Variants in GPC5 observed in about 807,000 individuals in gnomAD.
GPC5 encodes the protein glypican-5.
GPC5 carries 47 observed loss-of-function variants against 53.9 expected under a neutral mutation model. The observed-to-expected ratio is 0.87, with a 90% CI of 0.69 to 1.11. The LOEUF (loss-of-function observed/expected upper bound fraction) is 1.11, where lower values mean the gene tolerates loss of function less well. GPC5 is among the 50% of genes most tolerant of loss of function. GPC5 has a pLI of 0.00. For synonymous variants in GPC5, 286 were observed against 263.3 expected, an observed-to-expected ratio of 1.09 and a Z score of -0.84; for missense variants, 748 against 713.1, an observed-to-expected ratio of 1.05 and a Z score of -0.56.
chr13:92,115,430 C>T (rs370909391), intron 6 of GPC5, among the ~76,000 whole-genome samples: 10 of 152,084 alleles, frequency 6.6e-5, no homozygotes, highest in Non-Finnish European at 1.0e-4. Context: ...TGCTTGAACA[C>T]GGGAGGCGGA....
At chr13:91,455,427 A>G (rs1032618131) in intron 2 of GPC5, among the ~76,000 whole-genome samples, 5 of 152,114 alleles carry the variant, frequency 3.3e-5, no homozygotes, top group Non-Finnish European at 7.4e-5. Flanking sequence ...CTTGTTTTCT[A>G]AATGTGTGGT....
chr13:92,759,245 C>G lies in GPC5; in HGVS notation c.1562-107037C>G, dbSNP rs560891014. Among the ~76,000 whole-genome samples, 353 of 151,258 alleles carry G rather than the reference C, an allele frequency of 2.3e-3. 4 individuals are homozygous for G. The highest frequency in any genetic ancestry group is 1.4e-3 in the East Asian group (7 of 5,144). ...TATTCAGGGTCTTTATGGTTTCATA[C>G]AAATTATTGGATTGTTTTATCTATT... is the stretch of plus-strand genomic sequence containing the variant. On this transcript the variant is annotated intron_variant, in intron 7 of 7. Transcript: ENST00000377067.
chr13:92,588,118 C>T (rs1430500789), intron 7 of GPC5, among the ~76,000 whole-genome samples: 2 of 152,086 alleles, frequency 1.3e-5, no homozygotes, highest in African/African-American at 4.8e-5. Flanking sequence ...ATGTTCCCCT[C>T]CCTGTGTGCA....
intron 5 of GPC5, among the ~76,000 whole-genome samples, chr13:91,885,287 T>C (rs981687412): frequency 6.6e-6 from 1 of 152,228 alleles, no homozygotes; most frequent in Non-Finnish European, 1.5e-5. Flanking sequence ...TTAAAATCTT[T>C]ATGTCTTCTA....
At chr13:92,654,536 T>C (rs1252625253) in intron 7 of GPC5, among the ~76,000 whole-genome samples, 1 of 152,288 alleles carries the variant, frequency 6.6e-6, no homozygotes, top group East Asian at 1.9e-4. Flanking sequence ...CTTGACCATT[T>C]CTATATTTCT....
At chr13:92,763,696 T>A (rs1875282856) in intron 7 of GPC5, among the ~76,000 whole-genome samples, 1 of 152,026 alleles carries the variant, frequency 6.6e-6, no homozygotes, top group Admixed American at 6.6e-5. Context: ...GAATTGGATG[T>A]AAAATGTCCA....
chr13:92,856,922 A>G (rs1026762969), intron 7 of GPC5, among the ~76,000 whole-genome samples: 2 of 152,112 alleles, frequency 1.3e-5, no homozygotes, highest in Non-Finnish European at 2.9e-5. Context: ...CTATAGATTC[A>G]ATGCTACTCC....
chr13:91,941,242 G>T (rs1474583130), intron 6 of GPC5, among the ~76,000 whole-genome samples: 2 of 152,016 alleles, frequency 1.3e-5, no homozygotes, highest in Non-Finnish European at 2.9e-5. Context: ...TGCTGTTTTG[G>T]TTACCGTAGC....
At chr13:92,444,203 A>G (rs1877698012) in intron 7 of GPC5, among the ~76,000 whole-genome samples, 1 of 152,220 alleles carries the variant, frequency 6.6e-6, no homozygotes, top group Non-Finnish European at 1.5e-5. Context: ...AGGAATGCCT[A>G]CACAGCAGGT....
At chr13:92,203,079 C>T (rs2042306407) in intron 7 of GPC5, among the ~76,000 whole-genome samples, 1 of 152,160 alleles carries the variant, frequency 6.6e-6, no homozygotes, top group African/African-American at 2.4e-5. Flanking sequence ...TGATGACAAA[C>T]TGGATGTGGA....
In GPC5 at chr13:92,459,744, A is replaced by C. The variant is rs1244962658; in HGVS notation, c.1561+314755A>C. Among the ~76,000 whole-genome samples the C allele has an allele frequency of 2.0e-5, 3 of 152,162 alleles. No homozygotes were observed. In the East Asian group the frequency reaches 5.8e-4, roughly 29 times the overall value. On this transcript the variant is annotated intron_variant, in intron 7 of 7. Coordinates refer to ENST00000377067, the MANE Select transcript of GPC5 (RefSeq NM_004466.6). ...TGAAATGCATACATCTTATCTCATT[A>C]CTTTTGATATATAACCTATGTCAGC...
At chr13:91,968,881 A>AT (rs1178494205) in intron 6 of GPC5, among the ~76,000 whole-genome samples, 3 of 151,408 alleles carry the variant, frequency 2.0e-5, no homozygotes, top group Non-Finnish European at 4.4e-5. Context: ...TATTTTCCTT[A>AT]TTTTTTGTCT....
intron 7 of GPC5, among the ~76,000 whole-genome samples, chr13:92,255,178 A>C (rs2042718679): frequency 6.6e-6 from 1 of 152,116 alleles, no homozygotes; most frequent in Admixed American, 6.6e-5. Flanking sequence ...TCTTGCAACC[A>C]ACCTCCCAGG....
intron 7 of GPC5, among the ~76,000 whole-genome samples, chr13:92,359,493 A>T (rs1926653): frequency 5.3e-5 from 8 of 151,354 alleles, no homozygotes; most frequent in African/African-American, 2.0e-4. Context: ...ACATTTTCAG[A>T]TGTCTTTATA....
chr13:92,206,108 T>TTTGTTGTTGTTA (rs2042333273), intron 7 of GPC5, among the ~76,000 whole-genome samples: 1 of 150,766 alleles, frequency 6.6e-6, no homozygotes, highest in South Asian at 2.1e-4. Flanking sequence ...TATATATATA[T>TTTGTTGTTGTTA]TTGTTGTTGT....
chr13:92,368,007 CAG>C (rs1195192886), intron 7 of GPC5, among the ~76,000 whole-genome samples: 2 of 152,062 alleles, frequency 1.3e-5, no homozygotes, highest in South Asian at 2.1e-4. Context: ...GGCGGTGAGG[CAG>C]AGTTTCACTC....
chr13:92,691,759 G>T (rs1887407632), intron 7 of GPC5, among the ~76,000 whole-genome samples: 1 of 150,810 alleles, frequency 6.6e-6, no homozygotes, highest in Non-Finnish European at 1.5e-5. Flanking sequence ...TTTCTATATA[G>T]ATGGTTTTAG....
chr13:92,269,596 C>T (rs1037612231), intron 7 of GPC5, among the ~76,000 whole-genome samples: 4 of 151,988 alleles, frequency 2.6e-5, no homozygotes, highest in East Asian at 1.9e-4. Flanking sequence ...TTAGTAGAGA[C>T]GGGATTTCAC....
intron 6 of GPC5, among the ~76,000 whole-genome samples, chr13:92,091,132 G>C (rs1039170900): frequency 6.6e-6 from 1 of 152,168 alleles, no homozygotes; most frequent in Non-Finnish European, 1.5e-5. Flanking sequence ...ACAGCAGCTT[G>C]AGCTGCCTAA....
Sources: gnomAD v4.1 joint callset for allele counts (sites outside exome capture counted in the v4.1 genomes callset) on GRCh38, gnomAD v4.1.1 for gene constraint, MANE v1.5 for transcripts, NCBI Gene and HGNC (gene_info 2026-07-23, HGNC 2026-07-21) for gene names.